The following TAOK1 variants were observed in gnomAD, a reference collection of about 807,000 sequenced individuals.
The protein encoded by TAOK1 is TAO kinase 1.
TAOK1 carries 21 observed loss-of-function variants against 138.3 expected under a neutral mutation model. That is an observed-to-expected ratio of 0.15 (90% CI 0.11 to 0.22). TAOK1 has a LOEUF of 0.22. Among genes scored for constraint, TAOK1 ranks in the 10% least tolerant of loss-of-function variants. The pLI, the probability that TAOK1 is intolerant of heterozygous loss-of-function variation, is 1.00. For synonymous variants in TAOK1, 361 were observed against 398.4 expected (o/e 0.91, Z 1.12); for missense variants, 651 against 1,227.7 (o/e 0.53, Z 7.02).
chr17:29,453,158 CTT>C (rs1273106911), intron 2 of TAOK1, among the ~76,000 whole-genome samples: 8 of 133,266 alleles, frequency 6.0e-5, no homozygotes, highest in Admixed American at 1.6e-4. Context: ...TTCTGGCTTA[CTT>C]TTTTTTTTTT....
At chr17:29,495,460 A>G (rs1304506577) in intron 10 of TAOK1, 100 bp from the exon 11 acceptor site, 2 of 918,298 alleles carry the variant, frequency 2.2e-6, no homozygotes, top group Non-Finnish European at 3.1e-6. Context: ...TATAGATTAC[A>G]TGCATTATCT....
At position 29,543,777 on chromosome 17, in the gene TAOK1, T is replaced by G. The variant is rs1263639487; in HGVS notation, c.*755T>G. On this transcript the variant is annotated 3_prime_UTR_variant, in exon 20 of 20. Transcript: ENST00000261716. Reference sequence around the variant, plus strand: ...TGATTTTTGTCCATTCAATTGTGCCTTCTTTGTATTATGATAAGATGGGGG... The same window carrying G: ...TGATTTTTGTCCATTCAATTGTGCCGTCTTTGTATTATGATAAGATGGGGG... 2.0e-5 allele frequency: 3 copies of G among 152,186 alleles called. No homozygotes were observed. Among genetic ancestry groups the G allele is most frequent in the Admixed American group, 6.5e-5 (1 of 15,270 alleles). 9.4% of individuals were successfully genotyped at this position (152,186 alleles called of 1,614,324 possible).
chr17:29,397,664 G>GATACGTGT (rs1904673878), intron 1 of TAOK1, among the ~76,000 whole-genome samples: 5 of 35,604 alleles, frequency 1.4e-4, no homozygotes, highest in Non-Finnish European at 5.6e-5. Context: ...ATTCATGTAT[G>GATACGTGT]ATACATGTAT....
intron 8 of TAOK1, among the ~76,000 whole-genome samples, chr17:29,484,709 A>T (rs1369506881): frequency 6.6e-6 from 1 of 151,874 alleles, no homozygotes; most frequent in Non-Finnish European, 1.5e-5. Context: ...GGTTCAAGGG[A>T]TTCTCCTGCC....
intron 1 of TAOK1, among the ~76,000 whole-genome samples, chr17:29,397,757 GTA>G (rs1490014204): frequency 8.2e-6 from 1 of 122,412 alleles, no homozygotes; most frequent in Non-Finnish European, 1.7e-5. Context: ...ATACACGTAT[GTA>G]TATATGTATA....
intron 10 of TAOK1, among the ~76,000 whole-genome samples, chr17:29,493,285 G>A (rs1284633675): frequency 6.6e-6 from 1 of 151,810 alleles, no homozygotes; most frequent in Non-Finnish European, 1.5e-5. Flanking sequence ...ACCTGAGGTT[G>A]GGAGTTCGAG....
rs71138814 is a variant in TAOK1 at position 29,411,088 on chromosome 17, G to GTTTT, written c.-95+20082_-95+20085dup. On this transcript the variant is annotated intron_variant, in intron 1 of 19. Coordinates refer to ENST00000261716, the MANE Select transcript of TAOK1 (RefSeq NM_020791.4). ...CCTACAGAAGTACTTTCTTTTTACT[G>GTTTT]TTTTTTTTTTTTTTTTTTTTTGAGA... is the stretch of plus-strand genomic sequence containing the variant. Among the ~76,000 whole-genome samples, 447 of 94,066 alleles carry GTTTT rather than the reference G, an allele frequency of 4.8e-3. 6 individuals are homozygous for GTTTT. The highest frequency in any genetic ancestry group is 0.017 in the Middle Eastern group (2 of 120). The allele number at this position is 94,066 out of a possible 152,430, so 61.7% of individuals were successfully genotyped here. A position where few individuals can be genotyped will look rare whatever the true frequency, so the allele number is the denominator to read the frequency against.
At chr17:29,411,324 T>C (rs974735190) in intron 1 of TAOK1, among the ~76,000 whole-genome samples, 2 of 151,008 alleles carry the variant, frequency 1.3e-5, no homozygotes, top group African/African-American at 2.4e-5. Flanking sequence ...ATCTCCTGAC[T>C]TCGTGATCCG....
chr17:29,496,226 G>A (rs540215143), intron 11 of TAOK1, among the ~76,000 whole-genome samples: 2 of 151,918 alleles, frequency 1.3e-5, no homozygotes, highest in East Asian at 3.9e-4. Flanking sequence ...TCAGCCTCCC[G>A]AGTAGCTGGG....
At chr17:29,409,333 ATT>A (rs869195465) in intron 1 of TAOK1, among the ~76,000 whole-genome samples, 438 of 58,900 alleles carry the variant, frequency 7.4e-3, no homozygotes, top group Middle Eastern at 0.019. Context: ...ATATATATAT[ATT>A]TTTTTTTTTT....
At chr17:29,451,797 T>C (rs1359282067) in intron 2 of TAOK1, 117 bp downstream of exon 2, 3 of 1,249,052 alleles carry the variant, frequency 2.4e-6, no homozygotes, top group Non-Finnish European at 2.2e-6. Flanking sequence ...GTCACTTGCA[T>C]AGGGGGAAGA....
At chr17:29,393,882 A>G (rs948198108) in intron 1 of TAOK1, among the ~76,000 whole-genome samples, 5 of 152,338 alleles carry the variant, frequency 3.3e-5, no homozygotes, top group South Asian at 2.1e-4. Flanking sequence ...ACAGCAATGT[A>G]CAGAATCAGA....
rs1006643005 is a variant in TAOK1, at chr17:29,390,566, G to C, written c.-553G>C. ...GACCCCGCCCCGCCGTCCGCCGGCC[G>C]GCCCGCGGCCTCTCTTCCCTTTGTG... On this transcript the variant is annotated 5_prime_UTR_variant, in exon 1 of 20. Coordinates refer to ENST00000261716, the MANE Select transcript of TAOK1 (RefSeq NM_020791.4). 6.6e-6 allele frequency: 1 copy of C among 151,902 alleles called. No individual in the cohort carries two copies. Among genetic ancestry groups the C allele is most frequent in the South Asian group, 2.1e-4 (1 of 4,804 alleles). 9.4% of individuals were successfully genotyped at this position (151,902 alleles called of 1,614,324 possible).
chr17:29,456,692 A>G (rs556088863), intron 2 of TAOK1, among the ~76,000 whole-genome samples: 5 of 150,678 alleles, frequency 3.3e-5, no homozygotes, highest in South Asian at 2.1e-4. Flanking sequence ...TGCACAAGGT[A>G]TACTCAACCT....
At chr17:29,407,250 G>T (rs758370964) in intron 1 of TAOK1, among the ~76,000 whole-genome samples, 5 of 152,078 alleles carry the variant, frequency 3.3e-5, no homozygotes, top group Non-Finnish European at 5.9e-5. Context: ...GCCTCCCAAA[G>T]TGCTGGGATT....
chr17:29,451,433 T>C (rs2030232413), intron 1 of TAOK1, 22 bp from the exon 2 acceptor site: 1 of 1,336,506 alleles, frequency 7.5e-7, no homozygotes, highest in Non-Finnish European at 9.8e-7. Context: ...TTTTCTGACT[T>C]TTTTTTTCTA....
At chr17:29,394,164 T>G (rs979036497) in intron 1 of TAOK1, among the ~76,000 whole-genome samples, 1 of 123,130 alleles carries the variant, frequency 8.1e-6, no homozygotes, top group Admixed American at 8.4e-5. Flanking sequence ...TTTTTTTTTT[T>G]TTTTTTTTTT....
Position 29,495,984 on chromosome 17 carries a change from T to C in TAOK1, c.999+257T>C, listed in dbSNP as rs141996777. Among the ~76,000 whole-genome samples, 1,151 of 152,302 alleles carry C rather than the reference T, an allele frequency of 7.6e-3. 52 individuals carry two copies. The highest frequency in any genetic ancestry group is 0.069 in the Admixed American group (1,061 of 15,286). Reference sequence around the variant, plus strand: ...TGCTCTAAATCCAACCCCTTTATGGTACACAATGTCATAATGAAGGTTCTG... The same window carrying C: ...TGCTCTAAATCCAACCCCTTTATGGCACACAATGTCATAATGAAGGTTCTG... On this transcript the variant is annotated intron_variant, in intron 11 of 19. Coordinates refer to ENST00000261716, the MANE Select transcript of TAOK1 (RefSeq NM_020791.4).
At chr17:29,532,060 C>G (rs1306157006) in intron 18 of TAOK1, among the ~76,000 whole-genome samples, 1 of 151,996 alleles carries the variant, frequency 6.6e-6, no homozygotes, top group African/African-American at 2.4e-5. Flanking sequence ...CGGGGTTTCA[C>G]CGTGTTAGCC....
Sources: allele counts gnomAD v4.1 joint callset (sites outside exome capture counted in the v4.1 genomes callset), GRCh38; gene constraint gnomAD v4.1.1; transcripts MANE v1.5; gene names NCBI Gene and HGNC (gene_info 2026-07-23, HGNC 2026-07-21).